The following NCKAP5 variants were observed in gnomAD, a reference collection of about 807,000 sequenced individuals.
The protein encoded by NCKAP5 is NCK associated protein 5.
NCKAP5 carries 92 observed loss-of-function variants against 167.0 expected under a neutral mutation model. The ratio of observed to expected loss-of-function variants is 0.55; its 90% CI spans 0.47 to 0.66. The LOEUF (loss-of-function observed/expected upper bound fraction) is 0.66, where lower values mean the gene tolerates loss of function less well. NCKAP5 is among the 30% of genes least tolerant of loss of function. The pLI is 0.00. For synonymous variants in NCKAP5, 891 were observed against 877.4 expected (o/e 1.02, Z -0.27); for missense variants, 2,378 against 2,315.0 (o/e 1.03, Z -0.56).
intron 8 of NCKAP5, among the ~76,000 whole-genome samples, chr2:132,896,813 G>A (rs571613957): frequency 1.3e-5 from 2 of 152,158 alleles, no homozygotes; most frequent in Non-Finnish European, 2.9e-5. Flanking sequence ...CTTTTTAGTT[G>A]TAGTCTGGCA....
intron 16 of NCKAP5, among the ~76,000 whole-genome samples, chr2:132,741,780 A>G (rs974303802): frequency 1.3e-5 from 2 of 152,100 alleles, no homozygotes; most frequent in Non-Finnish European, 1.5e-5. Flanking sequence ...AGAAATGCCA[A>G]CTTATCTATC....
intron 4 of NCKAP5, among the ~76,000 whole-genome samples, chr2:133,288,715 T>G (rs1451994321): frequency 6.6e-6 from 1 of 152,148 alleles, no homozygotes; most frequent in Non-Finnish European, 1.5e-5. Context: ...GCATGCTGTT[T>G]CATTACCTCA....
chr2:133,309,234 A>G (rs1276209986), intron 3 of NCKAP5, among the ~76,000 whole-genome samples: 4 of 152,150 alleles, frequency 2.6e-5, no homozygotes, highest in African/African-American at 9.7e-5. Context: ...ACAAAACTAT[A>G]TGCTCATTAT....
chr2:133,127,699 C>T (rs1325291601), intron 6 of NCKAP5, among the ~76,000 whole-genome samples: 1 of 152,168 alleles, frequency 6.6e-6, no homozygotes, highest in African/African-American at 2.4e-5. Context: ...CAAGATCTGC[C>T]TCCTCCTATC....
intron 3 of NCKAP5, among the ~76,000 whole-genome samples, chr2:133,465,421 G>A (rs1266774626): frequency 4.0e-5 from 6 of 151,562 alleles, no homozygotes; most frequent in Non-Finnish European, 7.4e-5. Context: ...TTGGACATTT[G>A]GGTTGGTTCC....
In NCKAP5 at chr2:132,846,632, ACTT is replaced by A. The variant is rs1253754849; in HGVS notation, c.807+13857_807+13859del. Among the ~76,000 whole-genome samples the A allele has an allele frequency of 3.3e-5, 5 of 152,064 alleles. No individual in the cohort carries two copies. In the East Asian group the frequency reaches 9.7e-4, roughly 29 times the overall value. ...TCATGGTGACTTTTAACATTCAATG[ACTT>A]CTTCCTCCATCCCTCCATCCATTAT... On this transcript the variant is annotated intron_variant, in intron 11 of 19. Coordinates refer to ENST00000409261, the MANE Select transcript of NCKAP5 (RefSeq NM_207363.3).
chr2:132,806,632 A>C (rs2105236277), intron 11 of NCKAP5, among the ~76,000 whole-genome samples: 1 of 151,510 alleles, frequency 6.6e-6, no homozygotes, highest in Non-Finnish European at 1.5e-5. Flanking sequence ...TTTTTTTCTT[A>C]CTGATTTATT....
At chr2:132,807,166 T>G (rs1685505368) in intron 11 of NCKAP5, among the ~76,000 whole-genome samples, 1 of 152,204 alleles carries the variant, frequency 6.6e-6, no homozygotes, top group Non-Finnish European at 1.5e-5. Context: ...TATGGCCTTA[T>G]AGTATAGTTT....
chr2:133,376,562 C>T (rs1414492211), intron 3 of NCKAP5, among the ~76,000 whole-genome samples: 2 of 152,140 alleles, frequency 1.3e-5, no homozygotes, highest in African/African-American at 2.4e-5. Context: ...CGTCACTGTG[C>T]CCAGCTTGGG....
the NCKAP5 span, among the ~76,000 whole-genome samples, chr2:133,622,004 C>T: frequency 6.6e-6 from 1 of 152,066 alleles, no homozygotes; most frequent in Non-Finnish European, 1.5e-5. Context: ...AAATGTGATT[C>T]TCCACATAAA....
intron 2 of NCKAP5, among the ~76,000 whole-genome samples, chr2:133,544,278 C>T (rs1266514699): frequency 6.6e-6 from 1 of 152,042 alleles, no homozygotes; most frequent in Non-Finnish European, 1.5e-5. Flanking sequence ...AAAATATATA[C>T]AAATATACAC....
intron 11 of NCKAP5, among the ~76,000 whole-genome samples, chr2:132,806,009 C>T (rs2105231943): frequency 1.3e-5 from 2 of 152,208 alleles, no homozygotes; most frequent in East Asian, 3.9e-4. Context: ...TCTCACATAT[C>T]AGTGAGAACA....
At chr2:132,895,940 G>T (rs769555049) in intron 8 of NCKAP5, among the ~76,000 whole-genome samples, 60 of 151,960 alleles carry the variant, frequency 3.9e-4, no homozygotes, top group Middle Eastern at 3.4e-3. Flanking sequence ...TTTGAGACCA[G>T]CCTGGCCAAC....
intron 19 of NCKAP5, among the ~76,000 whole-genome samples, chr2:132,720,867 T>C (rs184029086): frequency 1.3e-5 from 2 of 151,886 alleles, no homozygotes; most frequent in East Asian, 3.9e-4. Context: ...AAAAATTAGC[T>C]GAGTGTGGTG....
rs1341411942 is a variant in NCKAP5 at position 132,672,989 on chromosome 2, C to T, written c.*300G>A. ...CCCCCCACCCATCATTTCTTAAGCGCTCCAGTCCCAGCTCACTAAGGGAAG... is the reference window on the plus strand; with the variant it reads ...CCCCCCACCCATCATTTCTTAAGCGTTCCAGTCCCAGCTCACTAAGGGAAG... On this transcript the variant is annotated 3_prime_UTR_variant, in exon 20 of 20. Coordinates refer to ENST00000409261, the MANE Select transcript of NCKAP5 (RefSeq NM_207363.3). 1.3e-6 allele frequency: 1 copy of T among 780,826 alleles called. No individual in the cohort carries two copies. The highest frequency in any genetic ancestry group is 1.5e-6 in the Non-Finnish European group (1 of 668,568). 48.4% of individuals were successfully genotyped at this position (780,826 alleles called of 1,614,324 possible). A position where few individuals can be genotyped will look rare whatever the true frequency, so the allele number is the denominator to read the frequency against.
chr2:133,660,751 T>G, the NCKAP5 span, among the ~76,000 whole-genome samples: 1 of 152,202 alleles, frequency 6.6e-6, no homozygotes, highest in Admixed American at 6.5e-5. Flanking sequence ...CCTGAGAAAC[T>G]AGGATGGAAT....
intron 19 of NCKAP5, among the ~76,000 whole-genome samples, chr2:132,689,037 TCTC>T (rs1434506423): frequency 6.7e-6 from 1 of 150,004 alleles, no homozygotes; most frequent in Non-Finnish European, 1.5e-5. Flanking sequence ...CTACTCTACT[TCTC>T]CTACTTTGGT....
At chr2:133,159,879 A>G (rs2083716922) in intron 5 of NCKAP5, among the ~76,000 whole-genome samples, 3 of 152,128 alleles carry the variant, frequency 2.0e-5, no homozygotes, top group African/African-American at 7.2e-5. Context: ...TAAATTAAAC[A>G]GTGGCTTGAA....
At chr2:132,833,458 G>T (rs1395048912) in intron 11 of NCKAP5, among the ~76,000 whole-genome samples, 1 of 152,148 alleles carries the variant, frequency 6.6e-6, no homozygotes, top group African/African-American at 2.4e-5. Flanking sequence ...TCAGTGTCCT[G>T]AAATGTTTCC....
Sources: gnomAD v4.1 joint callset for allele counts (sites outside exome capture counted in the v4.1 genomes callset) on GRCh38, gnomAD v4.1.1 for gene constraint, MANE v1.5 for transcripts, NCBI Gene and HGNC (gene_info 2026-07-23, HGNC 2026-07-21) for gene names.